The following RCC2 variants were observed in gnomAD, a reference collection of about 807,000 sequenced individuals.
RCC2 encodes the protein protein RCC2.
A neutral mutation model predicts 64.1 loss-of-function variants in RCC2; 19 were observed. That is an observed-to-expected ratio of 0.30 (90% confidence interval 0.21 to 0.44). The LOEUF is 0.44. RCC2 is among the 20% of genes least tolerant of loss of function. The pLI is 1.00. For missense variants in RCC2, 508 were observed against 710.4 expected (o/e 0.72, Z 3.24); for synonymous variants, 325 against 279.6 (o/e 1.16, Z -1.62).
At chr1:17,416,759 G>A in intron 7 of RCC2, 113 bp from the exon 8 acceptor site, 1 of 1,123,982 alleles carries the variant, frequency 8.9e-7, no homozygotes, top group Non-Finnish European at 1.2e-6. Context: ...TGGCCCTTCT[G>A]GGCCTTAGAC....
intron 5 of RCC2, among the ~76,000 whole-genome samples, 189 bp downstream of exon 5, chr1:17,422,516 G>C (rs1377088779): frequency 6.6e-6 from 1 of 152,180 alleles, no homozygotes; most frequent in Non-Finnish European, 1.5e-5. Context: ...TCCCAGATGG[G>C]CCTCCTATGG....
At chr1:17,417,355 G>A (rs896753236) in intron 7 of RCC2, among the ~76,000 whole-genome samples, 2 of 152,194 alleles carry the variant, frequency 1.3e-5, no homozygotes, top group Non-Finnish European at 2.9e-5. Context: ...GTTTTAAACT[G>A]CTCCTGTTCC....
chr1:17,428,184 T>G (rs772570797), intron 3 of RCC2, among the ~76,000 whole-genome samples: 30 of 152,222 alleles, frequency 2.0e-4, no homozygotes, highest in Non-Finnish European at 2.9e-4. Context: ...TGAGAAATGA[T>G]GCAACACGGG....
chr1:17,438,578 G>GGGAGGGGAGC, intron 1 of RCC2, 56 bp from the exon 2 acceptor site: 1 of 1,275,906 alleles, frequency 7.8e-7, no homozygotes, highest in Non-Finnish European at 9.9e-7. Context: ...ACTGCGCGGG[G>GGGAGGGGAGC]GGAGGGGAGC....
At chr1:17,425,402 GAA>G (rs991584099) in intron 4 of RCC2, 137 bp downstream of exon 4, 1 of 844,540 alleles carries the variant, frequency 1.2e-6, no homozygotes, top group African/African-American at 1.7e-5. Flanking sequence ...TGGGAATTAG[GAA>G]AAAAGACATG....
At chr1:17,439,133 G>C (rs998167207) in intron 1 of RCC2, among the ~76,000 whole-genome samples, 1 of 152,136 alleles carries the variant, frequency 6.6e-6, no homozygotes, top group Non-Finnish European at 1.5e-5. Flanking sequence ...CCCCGGCGAC[G>C]GGGGAAGAGC....
At chr1:17,439,380 T>G (rs1385989627) in intron 1 of RCC2, among the ~76,000 whole-genome samples, 165 bp downstream of exon 1, 1 of 147,466 alleles carries the variant, frequency 6.8e-6, no homozygotes, top group Non-Finnish European at 1.5e-5. Flanking sequence ...TCTGTCTGTC[T>G]CCGATTAAAC....
In RCC2 at chr1:17,438,308, C is replaced by T. The variant is rs1167887441; in HGVS notation, c.207G>A (p.Ala69=). 2 of 1,243,670 alleles carry T rather than the reference C, an allele frequency of 1.6e-6. No individual in the cohort carries two copies. Among genetic ancestry groups the T allele is most frequent in the East Asian group, 4.2e-5 (1 of 23,700 alleles). 77.0% of individuals were successfully genotyped at this position (1,243,670 alleles called of 1,614,324 possible). The part of the protein sequence containing the change: ...LDGAPGGGKR[A]ARPATAGKAG... ...CCTTGCCTGCTGTCGCCGGCCGCGCCGCGCGCTTGCCCCCGCCGGGGGCCC... is the reference window on the plus strand; with the variant it reads ...CCTTGCCTGCTGTCGCCGGCCGCGCTGCGCGCTTGCCCCCGCCGGGGGCCC... The change falls in exon 2 of 13, where the codon GCG becomes GCA. Residue 69 remains alanine, a synonymous_variant. Coordinates refer to ENST00000375436, the MANE Select transcript of RCC2 (RefSeq NM_018715.4).
intron 10 of RCC2, among the ~76,000 whole-genome samples, chr1:17,412,586 C>G (rs1284378921): frequency 6.6e-6 from 1 of 152,210 alleles, no homozygotes; most frequent in African/African-American, 2.4e-5. Context: ...CAGATTAAAG[C>G]CACGCCGACA....
At chr1:17,433,877 A>C (rs1213373513) in intron 2 of RCC2, among the ~76,000 whole-genome samples, 1 of 151,968 alleles carries the variant, frequency 6.6e-6, no homozygotes, top group Non-Finnish European at 1.5e-5. Flanking sequence ...TCGACCAATT[A>C]CCTAAGGGCC....
At chr1:17,435,327 C>A (rs1219711263) in intron 2 of RCC2, among the ~76,000 whole-genome samples, 1 of 152,242 alleles carries the variant, frequency 6.6e-6, no homozygotes, top group Admixed American at 6.5e-5. Flanking sequence ...GCTTTGGGGT[C>A]ACTGAAGGCA....
intron 1 of RCC2, 81 bp from the exon 2 acceptor site, chr1:17,438,603 CGGCCTCCACTTCCTCCTCT>C: frequency 8.1e-7 from 1 of 1,228,614 alleles, no homozygotes. Context: ...ACGAGCCACC[CGGCCTCCACTTCCTCCTCT>C]GCCCTCCCCA....
chr1:17,439,399 T>C (rs1208401998), intron 1 of RCC2, 146 bp downstream of exon 1: 1 of 146,242 alleles, frequency 6.8e-6, no homozygotes, highest in Non-Finnish European at 1.5e-5. Flanking sequence ...ACCACGTGGA[T>C]CCGCCTTCCT....
chr1:17,417,367 A>G (rs1192046308), intron 7 of RCC2, among the ~76,000 whole-genome samples: 1 of 152,164 alleles, frequency 6.6e-6, no homozygotes, highest in Non-Finnish European at 1.5e-5. Context: ...TCCTGTTCCC[A>G]CACTGTGATC....
intron 8 of RCC2, among the ~76,000 whole-genome samples, chr1:17,415,872 C>T (rs1454985085): frequency 1.3e-5 from 2 of 151,770 alleles, no homozygotes; most frequent in Non-Finnish European, 2.9e-5. Flanking sequence ...AGTTTGAGAC[C>T]AGCCTGACCA....
At chr1:17,429,051 C>T in intron 3 of RCC2, 55 bp downstream of exon 3, 1 of 1,387,994 alleles carries the variant, frequency 7.2e-7, no homozygotes, top group Non-Finnish European at 1.0e-6. Flanking sequence ...AGGTGGTCAA[C>T]AGAACCTAGC....
rs776936316 is a variant in RCC2, at chr1:17,416,666, G to A, written c.860-20C>T. The A allele has an allele frequency of 4.3e-5, 68 of 1,595,054 alleles. No individual in the cohort carries two copies. The highest frequency in any genetic ancestry group is 2.2e-4 in the Admixed American group (13 of 59,068). ...TGTGTCCTGTAGAGACCACAGAGCC[G>A]GCCATCAGCAGCAGCACAAGCACAA... On this transcript the variant is annotated intron_variant, in intron 7 of 12. Transcript: ENST00000375436.
At chr1:17,423,747 C>T (rs1452256095) in intron 4 of RCC2, among the ~76,000 whole-genome samples, 3 of 152,234 alleles carry the variant, frequency 2.0e-5, no homozygotes, top group South Asian at 2.1e-4. Context: ...GGGAAACTGA[C>T]GGAGATCTTA....
chr1:17,413,247 T>C, intron 9 of RCC2, 69 bp from the exon 10 acceptor site: 1 of 1,173,540 alleles, frequency 8.5e-7, no homozygotes, highest in Non-Finnish European at 1.3e-6. Context: ...TTCAGTATTA[T>C]CAGGGTGAAA....
Sources: allele counts gnomAD v4.1 joint callset (sites outside exome capture counted in the v4.1 genomes callset), GRCh38; gene constraint gnomAD v4.1.1; transcripts MANE v1.5; gene names NCBI Gene and HGNC (gene_info 2026-07-23, HGNC 2026-07-21).